PARP8: variants seen among roughly 807,000 people sequenced by gnomAD.
PARP8 encodes poly(ADP-ribose) polymerase family member 8, also known as protein mono-ADP-ribosyltransferase PARP8.
Under a neutral mutation model 124.1 loss-of-function variants are expected in PARP8, and 51 were observed. That is an observed-to-expected ratio of 0.41 (90% confidence interval 0.33 to 0.52). The LOEUF is 0.52. PARP8 is among the 20% of genes least tolerant of loss of function. The probability of loss-of-function intolerance (pLI) is 0.21; values close to 1 mark genes in which losing one functional copy is unlikely to be tolerated. For synonymous variants in PARP8, 391 were observed against 361.5 expected (o/e 1.08, Z -0.93); for missense variants, 860 against 1,018.9 (o/e 0.84, Z 2.12).
intron 2 of PARP8, among the ~76,000 whole-genome samples, chr5:50,676,442 G>C (rs1320607732): frequency 3.3e-5 from 5 of 152,202 alleles, no homozygotes; most frequent in Admixed American, 6.5e-5. Context: ...ATTCATTTAT[G>C]TTAAGGGCTC....
chr5:50,789,008 C>T (rs1741632569), intron 10 of PARP8, among the ~76,000 whole-genome samples: 1 of 152,186 alleles, frequency 6.6e-6, no homozygotes, highest in Non-Finnish European at 1.5e-5. Flanking sequence ...CTCCAGGCTG[C>T]AACGTGTACA....
intron 2 of PARP8, among the ~76,000 whole-genome samples, chr5:50,732,272 A>G (rs113582379): frequency 0.015 from 2,248 of 152,340 alleles, 58 homozygotes; most frequent in African/African-American, 0.052. Context: ...GAATCTGGAA[A>G]AATGAATTAT....
At chr5:50,777,906 C>T (rs1740218015) in intron 7 of PARP8, among the ~76,000 whole-genome samples, 163 bp from the exon 8 acceptor site, 1 of 151,942 alleles carries the variant, frequency 6.6e-6, no homozygotes, top group Non-Finnish European at 1.5e-5. Flanking sequence ...AATGACAGTC[C>T]AACTAGATTA....
intron 2 of PARP8, among the ~76,000 whole-genome samples, chr5:50,712,620 C>T (rs371882939): frequency 7.2e-5 from 11 of 152,158 alleles, no homozygotes; most frequent in African/African-American, 2.6e-4. Flanking sequence ...TGCAGGCCAC[C>T]CTGAATATAG....
chr5:50,815,416 C>A lies in PARP8; in HGVS notation c.1576-16C>A, dbSNP rs1253135259. 3 of 1,535,476 alleles carry A rather than the reference C, an allele frequency of 2.0e-6. No homozygotes were observed. Among genetic ancestry groups the A allele is most frequent in the East Asian group, 2.5e-5 (1 of 40,618 alleles). On this transcript the variant is annotated splice_polypyrimidine_tract_variant and intron_variant, in intron 14 of 25. Transcript: ENST00000281631. ...TTGGAAAAAAGTTTTGTGATTGATT[C>A]CTTTTTCTTTTGTAGCCTACCGTAT...
At chr5:50,683,095 A>G (rs1400688624) in intron 2 of PARP8, among the ~76,000 whole-genome samples, 2 of 152,170 alleles carry the variant, frequency 1.3e-5, no homozygotes, top group African/African-American at 4.8e-5. Flanking sequence ...GGGCTCCATC[A>G]TGAAGCGAGT....
intron 14 of PARP8, among the ~76,000 whole-genome samples, chr5:50,814,734 A>T (rs1227542773): frequency 6.6e-6 from 1 of 152,122 alleles, no homozygotes; most frequent in African/African-American, 2.4e-5. Flanking sequence ...GTGCAGAGGC[A>T]CCGTGGATTG....
chr5:50,810,911 G>A (rs1447160068), intron 14 of PARP8, among the ~76,000 whole-genome samples: 5 of 152,010 alleles, frequency 3.3e-5, no homozygotes, highest in Admixed American at 3.3e-4. Context: ...GTTTGTAGTT[G>A]CTGTGTTAAA....
chr5:50,822,996 C>T (rs1745934755), intron 17 of PARP8, among the ~76,000 whole-genome samples: 1 of 152,186 alleles, frequency 6.6e-6, no homozygotes, highest in Non-Finnish European at 1.5e-5. Flanking sequence ...ATTATTGAGA[C>T]CTTTCCACTG....
intron 22 of PARP8, among the ~76,000 whole-genome samples, chr5:50,830,978 A>T (rs1031110407): frequency 2.6e-5 from 4 of 152,114 alleles, no homozygotes; most frequent in Non-Finnish European, 5.9e-5. Context: ...ATTAAAGAGA[A>T]CTACCTAATT....
intron 3 of PARP8, among the ~76,000 whole-genome samples, chr5:50,751,817 T>G (rs1423497286): frequency 6.6e-6 from 1 of 152,140 alleles, no homozygotes; most frequent in Non-Finnish European, 1.5e-5. Context: ...AGTATTTTTA[T>G]GGAGCTTTCT....
At chr5:50,693,655 T>G (rs1302080695) in intron 2 of PARP8, among the ~76,000 whole-genome samples, 1 of 151,544 alleles carries the variant, frequency 6.6e-6, no homozygotes, top group Non-Finnish European at 1.5e-5. Context: ...ATTATATAAT[T>G]AAGTCACAGA....
rs547031570 is a variant in PARP8 at position 50,813,477 on chromosome 5, T to C, written c.1576-1955T>C. Among the ~76,000 whole-genome samples, 7 of 152,332 alleles carry C rather than the reference T, an allele frequency of 4.6e-5. No homozygotes were observed. The South Asian group carries it at 6.2e-4, about 14-fold the overall frequency. ...GACTTTGCTGAAGTTGCTTATCAGCTTAAGGAGATTTTGGGCTGAGACGAT... is the reference window on the plus strand; with the variant it reads ...GACTTTGCTGAAGTTGCTTATCAGCCTAAGGAGATTTTGGGCTGAGACGAT... On this transcript the variant is annotated intron_variant, in intron 14 of 25. Transcript: ENST00000281631.
chr5:50,693,897 C>T (rs1366062268), intron 2 of PARP8, among the ~76,000 whole-genome samples: 1 of 151,612 alleles, frequency 6.6e-6, no homozygotes, highest in East Asian at 1.9e-4. Flanking sequence ...TGATATATGT[C>T]CTTTCCCTTT....
Position 50,842,171 on chromosome 5 carries a change from AAATT to A in PARP8, c.*106_*109del. ...AAATTATTTATTGTTATTATAAACA[AAATT>A]AACCCTTTGAATACTGATTTTTTTT... On this transcript the variant is annotated 3_prime_UTR_variant, in exon 26 of 26. Transcript: ENST00000281631. 4 of 791,290 alleles carry A rather than the reference AAATT, an allele frequency of 5.1e-6. No individual in the cohort carries two copies. Among genetic ancestry groups the A allele is most frequent in the Non-Finnish European group, 6.0e-6 (3 of 500,682 alleles). The allele number at this position is 791,290 out of a possible 1,614,324, so 49.0% of individuals were successfully genotyped here.
chr5:50,763,379 C>G (rs1760751766), intron 7 of PARP8, 137 bp downstream of exon 7: 1 of 611,984 alleles, frequency 1.6e-6, no homozygotes, highest in Non-Finnish European at 2.8e-6. Context: ...ACTGTTTATC[C>G]TTACACAAAA....
intron 14 of PARP8, among the ~76,000 whole-genome samples, chr5:50,810,849 A>G (rs1453825861): frequency 6.6e-6 from 1 of 152,086 alleles, no homozygotes; most frequent in East Asian, 1.9e-4. Flanking sequence ...TTAAGAATTT[A>G]CTAGCATTTA....
At chr5:50,693,980 A>G (rs1191296690) in intron 2 of PARP8, among the ~76,000 whole-genome samples, 1 of 152,064 alleles carries the variant, frequency 6.6e-6, no homozygotes, top group Admixed American at 6.6e-5. Flanking sequence ...ATAAAGAAGG[A>G]TTATCCTAAA....
At chr5:50,767,284 T>C (rs1761146689) in intron 7 of PARP8, among the ~76,000 whole-genome samples, 1 of 152,202 alleles carries the variant, frequency 6.6e-6, no homozygotes, top group African/African-American at 2.4e-5. Flanking sequence ...ATGTATATCA[T>C]TCATCAAAAA....
Sources: allele counts gnomAD v4.1 joint callset (sites outside exome capture counted in the v4.1 genomes callset), GRCh38; gene constraint gnomAD v4.1.1; transcripts MANE v1.5; gene names NCBI Gene and HGNC (gene_info 2026-07-23, HGNC 2026-07-21).